Variants in RTN4RL1 observed in about 807,000 individuals in gnomAD.
RTN4RL1 encodes reticulon 4 receptor like 1.
In RTN4RL1, 7 loss-of-function variants were observed where a neutral mutation model predicts 25.6. That is an observed-to-expected ratio of 0.27 (90% confidence interval 0.16 to 0.51). RTN4RL1 has a LOEUF of 0.51. Among genes scored for constraint, RTN4RL1 ranks in the 20% least tolerant of loss-of-function variants. The probability of loss-of-function intolerance (pLI) is 0.97; values close to 1 mark genes in which losing one functional copy is unlikely to be tolerated. For synonymous variants in RTN4RL1, 297 were observed against 288.2 expected, an observed-to-expected ratio of 1.03 and a Z score of -0.31; for missense variants, 500 against 615.6, an observed-to-expected ratio of 0.81 and a Z score of 1.99.
intron 1 of RTN4RL1, chr17:2,023,561 A>C (rs1396695269): frequency 1.3e-5 from 2 of 152,204 alleles, no homozygotes; most frequent in Admixed American, 6.6e-5. Flanking sequence ...TCACTGCCCC[A>C]CCAAAGGCGT....
intron 1 of RTN4RL1, among the ~76,000 whole-genome samples, chr17:1,963,725 T>TTTTTC (rs2066776232): frequency 6.6e-6 from 1 of 151,732 alleles, no homozygotes; most frequent in African/African-American, 2.4e-5. Flanking sequence ...CCCTTCGGAG[T>TTTTTC]TTTTTCTTTT....
chr17:1,970,107 C>T (rs139640014), intron 1 of RTN4RL1, among the ~76,000 whole-genome samples: 2,906 of 151,696 alleles, frequency 0.019, 33 homozygotes, highest in Non-Finnish European at 0.031. Context: ...CTGCAACCTC[C>T]GCCTCCCAGG....
chr17:2,009,743 C>T (rs1043651725), intron 1 of RTN4RL1, among the ~76,000 whole-genome samples: 1 of 128,026 alleles, frequency 7.8e-6, no homozygotes, highest in Non-Finnish European at 1.6e-5. Flanking sequence ...CTCCTGCCCG[C>T]TGCCATAGCT....
At chr17:2,009,019 G>C (rs940426898) in intron 1 of RTN4RL1, among the ~76,000 whole-genome samples, 2 of 152,168 alleles carry the variant, frequency 1.3e-5, no homozygotes, top group African/African-American at 4.8e-5. Flanking sequence ...AGTTCATTCA[G>C]GAAATGACTA....
intron 1 of RTN4RL1, among the ~76,000 whole-genome samples, chr17:1,966,714 G>A (rs993730162): frequency 1.3e-5 from 2 of 152,112 alleles, no homozygotes; most frequent in Admixed American, 1.3e-4. Flanking sequence ...AGGACACAGA[G>A]ATCCTCTGCC....
At chr17:2,024,631 G>A (rs1468765711) in intron 1 of RTN4RL1, among the ~76,000 whole-genome samples, 2 of 152,164 alleles carry the variant, frequency 1.3e-5, no homozygotes, top group Non-Finnish European at 2.9e-5. Context: ...GGATCTCTAG[G>A]CCTGGCCACT....
chr17:1,944,199 G>A (rs911909175), intron 1 of RTN4RL1, among the ~76,000 whole-genome samples: 9 of 151,774 alleles, frequency 5.9e-5, no homozygotes, highest in East Asian at 1.9e-4. Flanking sequence ...GAGCTACCTC[G>A]CCCAGCCCTG....
In RTN4RL1 at chr17:1,936,928, G is replaced by A. The variant is rs774535180; in HGVS notation, c.894C>T (p.Ala298=). 8.7e-6 allele frequency: 14 copies of A among 1,610,252 alleles called. No homozygotes were observed. In the African/African-American group the frequency reaches 9.4e-5, roughly 11 times the overall value. The change falls in exon 2 of 2, where the codon GCC becomes GCT. Residue 298 remains alanine (A), a synonymous_variant. Coordinates refer to ENST00000331238, the MANE Select transcript of RTN4RL1 (RefSeq NM_178568.4). Reference sequence around the variant, plus strand: ...GTCCCGTGCAGTTCCGGAAGTCCTCGGCCCTCAGCAGCTTCAGGTCCTGGC... The same window carrying A: ...GTCCCGTGCAGTTCCGGAAGTCCTCAGCCCTCAGCAGCTTCAGGTCCTGGC... ...RHGQDLKLLR[A]EDFRNCTGPA...
chr17:2,015,793 C>A (rs1344130146), intron 1 of RTN4RL1, among the ~76,000 whole-genome samples: 1 of 152,096 alleles, frequency 6.6e-6, no homozygotes. Flanking sequence ...GCAAGGGGTC[C>A]GAAAGGAGGG....
intron 1 of RTN4RL1, among the ~76,000 whole-genome samples, chr17:1,987,431 G>A (rs891329306): frequency 7.9e-5 from 12 of 152,104 alleles, no homozygotes; most frequent in Admixed American, 3.9e-4. Context: ...TGAGAATGAC[G>A]CCAACTCCGT....
chr17:2,014,607 A>AG (rs1389659251), intron 1 of RTN4RL1, among the ~76,000 whole-genome samples: 1 of 152,178 alleles, frequency 6.6e-6, no homozygotes, highest in Non-Finnish European at 1.5e-5. Flanking sequence ...CGACGCAGGC[A>AG]GATCACCTGA....
chr17:1,990,300 G>A (rs905808920), intron 1 of RTN4RL1, among the ~76,000 whole-genome samples: 1 of 152,070 alleles, frequency 6.6e-6, no homozygotes, highest in African/African-American at 2.4e-5. Flanking sequence ...CTGGGAGGTG[G>A]AGGTTGCAGT....
At chr17:1,947,768 G>C (rs903733258) in intron 1 of RTN4RL1, among the ~76,000 whole-genome samples, 7 of 152,142 alleles carry the variant, frequency 4.6e-5, no homozygotes, top group Non-Finnish European at 1.0e-4. Flanking sequence ...ATGGGGTGGG[G>C]GCTGGACGCT....
chr17:1,949,120 C>A (rs1915624423), intron 1 of RTN4RL1, among the ~76,000 whole-genome samples: 1 of 151,762 alleles, frequency 6.6e-6, no homozygotes, highest in Non-Finnish European at 1.5e-5. Context: ...CGACACCTGG[C>A]TAATTTTTTT....
chr17:2,011,260 A>G (rs2151326160), intron 1 of RTN4RL1, among the ~76,000 whole-genome samples: 1 of 152,342 alleles, frequency 6.6e-6, no homozygotes, highest in Non-Finnish European at 1.5e-5. Flanking sequence ...TCAAAAAAAT[A>G]AAATGAAATG....
intron 1 of RTN4RL1, among the ~76,000 whole-genome samples, chr17:1,997,811 C>A (rs1039116937): frequency 3.5e-4 from 54 of 152,134 alleles, no homozygotes; most frequent in African/African-American, 1.3e-3. Context: ...GAGGTCCCCG[C>A]CCCCTTCACA....
chr17:1,960,698 G>C (rs1915878347), intron 1 of RTN4RL1, among the ~76,000 whole-genome samples: 1 of 151,910 alleles, frequency 6.6e-6, no homozygotes, highest in African/African-American at 2.4e-5. Context: ...CCCCTTAGCA[G>C]TCACTCCCCA....
At chr17:1,944,177 G>C (rs777321889) in intron 1 of RTN4RL1, among the ~76,000 whole-genome samples, 9 of 151,990 alleles carry the variant, frequency 5.9e-5, no homozygotes, top group Non-Finnish European at 8.8e-5. Flanking sequence ...GAAGTGCTGG[G>C]ATTACAGGCG....
chr17:2,001,054 C>CTTT lies in RTN4RL1; in HGVS notation c.13+23796_13+23798dup, dbSNP rs541156399. On this transcript the variant is annotated intron_variant, in intron 1 of 1. Coordinates refer to ENST00000331238, the MANE Select transcript of RTN4RL1 (RefSeq NM_178568.4). ...TAACAATAATAATGTTTTTCATTTA[C>CTTT]TTTTTTTTTTTTTGTAGTGATGGGG... 1.0e-3 allele frequency among the ~76,000 whole-genome samples: 146 copies of CTTT among 144,388 alleles called. 1 individual carries two copies. The highest frequency in any genetic ancestry group is 3.4e-3 in the African/African-American group (133 of 39,100). 94.7% of individuals were successfully genotyped at this position (144,388 alleles called of 152,430 possible).
Sources: gnomAD v4.1 joint callset for allele counts (sites outside exome capture counted in the v4.1 genomes callset) on GRCh38, gnomAD v4.1.1 for gene constraint, MANE v1.5 for transcripts, NCBI Gene and HGNC (gene_info 2026-07-23, HGNC 2026-07-21) for gene names.